PACRG: variants seen among roughly 807,000 people sequenced by gnomAD.
The protein encoded by PACRG is parkin coregulated, also known as parkin coregulated gene protein.
A neutral mutation model predicts 29.7 loss-of-function variants in PACRG; 29 were observed. The ratio of observed to expected loss-of-function variants is 0.98; its 90% CI spans 0.73 to 1.33. The LOEUF (loss-of-function observed/expected upper bound fraction) is 1.33. Ranked by LOEUF, PACRG falls within the 40% of genes most tolerant of loss-of-function variation. The pLI is 0.00. For missense variants in PACRG, 279 were observed against 316.2 expected, an observed-to-expected ratio of 0.88 and a Z score of 0.89; for synonymous variants, 116 against 118.7, an observed-to-expected ratio of 0.98 and a Z score of 0.15.
chr6:162,763,010 T>C (rs1782496999), intron 1 of PACRG, among the ~76,000 whole-genome samples: 1 of 152,206 alleles, frequency 6.6e-6, no homozygotes, highest in Non-Finnish European at 1.5e-5. Flanking sequence ...GTGGGTTATG[T>C]TTGCATGAAA....
In PACRG at chr6:162,844,612, G is replaced by C. The variant is rs181413017; in HGVS notation, c.291+30331G>C. On this transcript the variant is annotated intron_variant, in intron 2 of 4. Transcript: ENST00000366888. Reference sequence around the variant, plus strand: ...GAGCTGTTCCTATTGCGCCATCTTGGCTCCTCCCTTAACATCATTTTTGAG... The same window carrying C: ...GAGCTGTTCCTATTGCGCCATCTTGCCTCCTCCCTTAACATCATTTTTGAG... Among the ~76,000 whole-genome samples the C allele has an allele frequency of 1.9e-4, 29 of 152,298 alleles. No homozygotes were observed. In the East Asian group the frequency reaches 5.2e-3, roughly 27 times the overall value.
chr6:163,175,744 A>ATGGAGG (rs1779316833), intron 4 of PACRG, among the ~76,000 whole-genome samples: 1 of 136,844 alleles, frequency 7.3e-6, no homozygotes. Context: ...GCACCTGTCA[A>ATGGAGG]AGGAGGAGGA....
At chr6:163,187,946 C>A (rs1194247494) in intron 4 of PACRG, 1 of 152,200 alleles carries the variant, frequency 6.6e-6, no homozygotes, top group Non-Finnish European at 1.5e-5. Context: ...AAGTCAATAC[C>A]AAATAAATTG....
At chr6:162,951,670 T>C (rs556197398) in intron 2 of PACRG, among the ~76,000 whole-genome samples, 2 of 152,382 alleles carry the variant, frequency 1.3e-5, no homozygotes, top group East Asian at 3.9e-4. Flanking sequence ...GAGTCTGTTT[T>C]GTCTTTCAGC....
chr6:163,049,459 A>T (rs1356548155), intron 2 of PACRG, among the ~76,000 whole-genome samples: 1 of 152,094 alleles, frequency 6.6e-6, no homozygotes. Flanking sequence ...TGGGGGAAAT[A>T]TTCCCAATGA....
At chr6:163,314,121 C>T (rs769436070) in intron 4 of PACRG, among the ~76,000 whole-genome samples, 12 of 152,174 alleles carry the variant, frequency 7.9e-5, no homozygotes, top group African/African-American at 2.7e-4. Flanking sequence ...GCAGCTGAAG[C>T]GGTCACTTCC....
chr6:163,243,142 A>AC (rs1224804922), intron 4 of PACRG, among the ~76,000 whole-genome samples: 1 of 152,242 alleles, frequency 6.6e-6, no homozygotes, highest in Non-Finnish European at 1.5e-5. Context: ...GTCATAGGTT[A>AC]CGTGATGTAT....
At chr6:162,928,584 C>A (rs182180028) in intron 2 of PACRG, among the ~76,000 whole-genome samples, 4 of 151,898 alleles carry the variant, frequency 2.6e-5, no homozygotes, top group Admixed American at 2.0e-4. Flanking sequence ...ATATCCATCA[C>A]CTTAAAGATT....
At chr6:163,114,199 G>A (rs938443002) in intron 4 of PACRG, among the ~76,000 whole-genome samples, 10 of 152,144 alleles carry the variant, frequency 6.6e-5, no homozygotes, top group African/African-American at 1.4e-4. Context: ...TCAGTGAGTC[G>A]AGATTGTGCC....
chr6:163,015,213 A>C (rs1418286708), intron 2 of PACRG, among the ~76,000 whole-genome samples: 3 of 152,112 alleles, frequency 2.0e-5, no homozygotes, highest in African/African-American at 7.2e-5. Flanking sequence ...CTGTGTGTCC[A>C]GCTTTGTACC....
intron 4 of PACRG, among the ~76,000 whole-genome samples, chr6:163,105,325 G>A (rs1456413302): frequency 6.6e-6 from 1 of 152,024 alleles, no homozygotes; most frequent in African/African-American, 2.4e-5. Context: ...ACACAATCTA[G>A]CACATTTAAA....
chr6:163,171,027 T>C (rs1376602461), intron 4 of PACRG: 1 of 152,244 alleles, frequency 6.6e-6, no homozygotes, highest in Non-Finnish European at 1.5e-5. Flanking sequence ...TGTGAGCATG[T>C]AGACTTTTGC....
At chr6:162,751,724 C>T (rs1335323237) in intron 1 of PACRG, among the ~76,000 whole-genome samples, 1 of 152,122 alleles carries the variant, frequency 6.6e-6, no homozygotes, top group East Asian at 1.9e-4. Context: ...GATTGTGTTA[C>T]TGTGGAAACT....
intron 2 of PACRG, among the ~76,000 whole-genome samples, chr6:162,933,601 C>CTTTTTTTTTTTTTTTTTTTTTTTTTTTT (rs71008119): frequency 2.7e-5 from 2 of 74,610 alleles, no homozygotes; most frequent in African/African-American, 5.7e-5. Flanking sequence ...CTTTCTGTAT[C>CTTTTTTTTTTTTTTTTTTTTTTTTTTTT]TTTTTTTTTT....
intron 1 of PACRG, among the ~76,000 whole-genome samples, chr6:162,809,019 A>G (rs905821345): frequency 2.6e-5 from 4 of 151,732 alleles, no homozygotes; most frequent in African/African-American, 9.7e-5. Flanking sequence ...ATTTCGCTTG[A>G]TTTTTTTTAT....
intron 2 of PACRG, among the ~76,000 whole-genome samples, chr6:162,933,601 C>CTTTTTTTTTTTTTTTTTTTTTTTTTAAA (rs71008119): frequency 1.3e-5 from 1 of 74,610 alleles, no homozygotes; most frequent in Admixed American, 1.5e-4. Flanking sequence ...CTTTCTGTAT[C>CTTTTTTTTTTTTTTTTTTTTTTTTTAAA]TTTTTTTTTT....
At chr6:163,281,055 T>A (rs1033946735) in intron 4 of PACRG, among the ~76,000 whole-genome samples, 1 of 152,038 alleles carries the variant, frequency 6.6e-6, no homozygotes, top group African/African-American at 2.4e-5. Flanking sequence ...GCAAGATGGG[T>A]AGGCTTTGTG....
intron 2 of PACRG, among the ~76,000 whole-genome samples, chr6:162,860,062 G>T (rs12527629): frequency 4.6e-5 from 7 of 151,716 alleles, no homozygotes; most frequent in South Asian, 4.2e-4. Context: ...GGGTTTAGCA[G>T]GGAGGTGGGG....
At chr6:163,070,068 T>G (rs1305239233) in intron 3 of PACRG, among the ~76,000 whole-genome samples, 1 of 152,014 alleles carries the variant, frequency 6.6e-6, no homozygotes, top group African/African-American at 2.4e-5. Context: ...AGCAAAAATA[T>G]CCTTCAAATA....
Sources: allele counts gnomAD v4.1 joint callset (sites outside exome capture counted in the v4.1 genomes callset), GRCh38; gene constraint gnomAD v4.1.1; transcripts MANE v1.5; gene names NCBI Gene and HGNC (gene_info 2026-07-23, HGNC 2026-07-21).